Variants in ERCC6 observed in about 807,000 individuals in gnomAD.
ERCC6 encodes DNA excision repair protein ERCC-6.
ERCC6 carries 116 observed loss-of-function variants against 158.7 expected under a neutral mutation model. The observed-to-expected ratio is 0.73, with a 90% CI of 0.63 to 0.85. The LOEUF (loss-of-function observed/expected upper bound fraction) is 0.85. Ranked by LOEUF, ERCC6 falls within the 40% of genes least tolerant of loss-of-function variation. The pLI, the probability that ERCC6 is intolerant of heterozygous loss-of-function variation, is 0.00. For synonymous variants in ERCC6, 678 were observed against 659.3 expected (o/e 1.03, Z -0.43); for missense variants, 1,698 against 1,799.4 (o/e 0.94, Z 1.02).
chr10:49,538,444 ATGATGGGAAAAGT>A (rs951919338), intron 1 of ERCC6, among the ~76,000 whole-genome samples: 10 of 152,194 alleles, frequency 6.6e-5, no homozygotes, highest in African/African-American at 1.9e-4. Flanking sequence ...CAACAAGAAG[ATGATGGGAAAAGT>A]TGAGGAGAAA....
intron 20 of ERCC6, 141 bp from the exon 21 acceptor site, chr10:49,459,375 T>C (rs1850537372): frequency 2.5e-6 from 2 of 815,414 alleles, no homozygotes; most frequent in Non-Finnish European, 2.0e-6. Flanking sequence ...AGACTCCACC[T>C]AATGAAAAGG....
At chr10:49,481,114 C>G (rs925343468) in intron 10 of ERCC6, among the ~76,000 whole-genome samples, 2 of 152,194 alleles carry the variant, frequency 1.3e-5, no homozygotes, top group Non-Finnish European at 2.9e-5. Context: ...GATCTGCAAC[C>G]TGCCCTCAGG....
chr10:49,515,065 G>A, intron 5 of ERCC6: 1 of 559,538 alleles, frequency 1.8e-6, no homozygotes, highest in South Asian at 3.8e-5. Context: ...TTGTGTCTCA[G>A]CTTTGTTATT....
At position 49,524,193 on chromosome 10, in the gene ERCC6, G is replaced by A. The variant is rs374490261; in HGVS notation, c.1237C>T (p.Arg413Trp). ...ELKPLPKGGKRQKKVPVQEID... is the reference protein window; with the variant it reads ...ELKPLPKGGKWQKKVPVQEID... ...TCCTGCACTGGCACTTTCTTCTGCC[G>A]TTTCCCGCCCTTGGGCAGAGGCTTC... is the stretch of plus-strand genomic sequence containing the variant. Residue 413 changes from arginine to tryptophan, a missense_variant, in exon 5 of 21, where the codon CGG becomes TGG. By Grantham distance (101) the Arg-to-Trp change is moderately radical. Coordinates refer to ENST00000355832, the MANE Select transcript of ERCC6 (RefSeq NM_000124.4). 74 of 1,613,970 alleles carry A rather than the reference G, an allele frequency of 4.6e-5. No homozygotes were observed. Among genetic ancestry groups the A allele is most frequent in the Middle Eastern group, 1.6e-4 (1 of 6,062 alleles).
chr10:49,526,117 T>TTTTATATATA (rs1837327240), intron 4 of ERCC6, among the ~76,000 whole-genome samples: 5 of 43,590 alleles, frequency 1.1e-4, no homozygotes, highest in Non-Finnish European at 2.1e-4. Context: ...TTATATATTT[T>TTTTATATATA]TATATATATA....
chr10:49,532,840 T>C lies in ERCC6; in HGVS notation c.125A>G (p.Glu42Gly), dbSNP rs1837503911. Residue 42 changes from glutamate to glycine, a missense_variant, in exon 2 of 21, where the codon GAG becomes GGG. Glu to Gly is a moderately conservative substitution (Grantham distance 98). Coordinates refer to ENST00000355832, the MANE Select transcript of ERCC6 (RefSeq NM_000124.4). ...KQESGGDGEV[E>G]EYLSFRSVGD... ...CACAGAACGAAAGGAGAGGTACTCCTCCACCTCCCCATCACCACCACTTTC... is the reference window on the plus strand; with the variant it reads ...CACAGAACGAAAGGAGAGGTACTCCCCCACCTCCCCATCACCACCACTTTC... 1.2e-6 allele frequency: 2 copies of C among 1,614,086 alleles called. No homozygotes were observed. Among genetic ancestry groups the C allele is most frequent in the Non-Finnish European group, 1.7e-6 (2 of 1,180,034 alleles).
At chr10:49,472,850 C>T in intron 15 of ERCC6, 59 bp downstream of exon 15, 3 of 1,589,476 alleles carry the variant, frequency 1.9e-6, no homozygotes, top group Non-Finnish European at 2.6e-6. Flanking sequence ...GTCAAAAGCG[C>T]TAACCATGAA....
In ERCC6 at chr10:49,472,486, A is replaced by C; in HGVS notation, c.2830-16T>G. On this transcript the variant is annotated splice_polypyrimidine_tract_variant and intron_variant, in intron 15 of 20. Coordinates refer to ENST00000355832, the MANE Select transcript of ERCC6 (RefSeq NM_000124.4). ...GCTCCCGGGCCTGCAACAGAGAGAGAGAGACCTCTCAACGAGAATCCTTCC... is the reference window on the plus strand; with the variant it reads ...GCTCCCGGGCCTGCAACAGAGAGAGCGAGACCTCTCAACGAGAATCCTTCC... 6.2e-7 allele frequency: 1 copy of C among 1,612,354 alleles called. No individual in the cohort carries two copies.
intron 10 of ERCC6, among the ~76,000 whole-genome samples, chr10:49,479,986 T>C (rs772236323): frequency 1.3e-5 from 2 of 152,182 alleles, no homozygotes; most frequent in Non-Finnish European, 2.9e-5. Context: ...AAGGCAGAGC[T>C]CTGCCTCTTC....
At chr10:49,472,875 A>T in intron 15 of ERCC6, 34 bp downstream of exon 15, 1 of 1,605,072 alleles carries the variant, frequency 6.2e-7, no homozygotes, top group Non-Finnish European at 8.5e-7. Context: ...TATTTCTACT[A>T]ATACATTCTT....
chr10:49,533,962 G>A (rs534382102), intron 1 of ERCC6, among the ~76,000 whole-genome samples: 1 of 151,572 alleles, frequency 6.6e-6, no homozygotes, highest in Non-Finnish European at 1.5e-5. Context: ...GGTGAAACCC[G>A]ATCTCTACTA....
At chr10:49,445,038 C>CA in the ERCC6 span, among the ~76,000 whole-genome samples, 4 of 151,974 alleles carry the variant, frequency 2.6e-5, no homozygotes, top group Non-Finnish European at 4.4e-5. Context: ...AAAACAACAA[C>CA]AAAAAAACAC....
At chr10:49,517,627 C>T (rs11101145) in intron 5 of ERCC6, among the ~76,000 whole-genome samples, 1 of 146,334 alleles carries the variant, frequency 6.8e-6, no homozygotes, top group African/African-American at 2.5e-5. Flanking sequence ...AGTCTTCTTT[C>T]TTTTTTTTTT....
At chr10:49,437,591 A>G in the ERCC6 span, among the ~76,000 whole-genome samples, 29 of 152,114 alleles carry the variant, frequency 1.9e-4, no homozygotes, top group Admixed American at 1.8e-3. Context: ...AATTCTGGAG[A>G]GTGGGTTCAT....
At chr10:49,518,177 G>C (rs1837041811) in intron 5 of ERCC6, among the ~76,000 whole-genome samples, 1 of 152,212 alleles carries the variant, frequency 6.6e-6, no homozygotes, top group South Asian at 2.1e-4. Flanking sequence ...ATGGAGACAG[G>C]CTGTGAGGTT....
chr10:49,443,885 C>CA, the ERCC6 span, among the ~76,000 whole-genome samples: 1 of 152,202 alleles, frequency 6.6e-6, no homozygotes, highest in East Asian at 1.9e-4. Flanking sequence ...GTGCCTATGA[C>CA]ATGCTGCTCA....
chr10:49,515,185 C>A (rs1287845984), intron 5 of ERCC6: 2 of 1,305,314 alleles, frequency 1.5e-6, no homozygotes, highest in Non-Finnish European at 1.9e-6. Flanking sequence ...TAGAAAAATT[C>A]AAGGAACAAA....
intron 5 of ERCC6, among the ~76,000 whole-genome samples, chr10:49,506,874 T>A (rs891916239): frequency 2.0e-5 from 3 of 151,460 alleles, no homozygotes; most frequent in African/African-American, 7.3e-5. Context: ...TCATTCAGCA[T>A]GGTGCAACTG....
At chr10:49,491,750 A>G (rs901377661) in intron 8 of ERCC6, among the ~76,000 whole-genome samples, 4 of 152,218 alleles carry the variant, frequency 2.6e-5, no homozygotes, top group African/African-American at 9.7e-5. Context: ...CCAAAAGAAA[A>G]TGAAAGGAAT....
Sources: allele counts gnomAD v4.1 joint callset (sites outside exome capture counted in the v4.1 genomes callset), GRCh38; gene constraint gnomAD v4.1.1; transcripts MANE v1.5; gene names NCBI Gene and HGNC (gene_info 2026-07-23, HGNC 2026-07-21).